The following PRIM2 variants were observed in gnomAD, a reference collection of about 807,000 sequenced individuals.
The protein encoded by PRIM2 is DNA primase large subunit.
Under a neutral mutation model 67.3 loss-of-function variants are expected in PRIM2, and 39 were observed. That is an observed-to-expected ratio of 0.58 (90% CI 0.45 to 0.76). The LOEUF (loss-of-function observed/expected upper bound fraction) is 0.76. Ranked by LOEUF, PRIM2 falls within the 30% of genes least tolerant of loss-of-function variation. PRIM2 has a pLI of 0.00. For synonymous variants in PRIM2, 143 were observed against 198.7 expected, an observed-to-expected ratio of 0.72 and a Z score of 2.36; for missense variants, 398 against 598.7, an observed-to-expected ratio of 0.66 and a Z score of 3.50.
chr6:57,277,297 A>G, the PRIM2 span, among the ~76,000 whole-genome samples: 32 of 152,312 alleles, frequency 2.1e-4, no homozygotes, highest in East Asian at 6.2e-3. Flanking sequence ...AATCAGCCCA[A>G]AATCTGCCCT....
At chr6:57,589,794 G>C (rs1776255483) in intron 10 of PRIM2, among the ~76,000 whole-genome samples, 2 of 152,160 alleles carry the variant, frequency 1.3e-5, no homozygotes, top group African/African-American at 4.8e-5. Flanking sequence ...GCAGGAGTTT[G>C]ATAAGGTGAG....
chr6:57,523,361 C>T (rs1414488296), intron 8 of PRIM2, among the ~76,000 whole-genome samples: 9 of 152,158 alleles, frequency 5.9e-5, no homozygotes, highest in African/African-American at 2.2e-4. Context: ...TGAAACTTAC[C>T]CTCTTAATCA....
At chr6:57,498,276 T>C (rs1379217352) in intron 7 of PRIM2, among the ~76,000 whole-genome samples, 4 of 152,152 alleles carry the variant, frequency 2.6e-5, no homozygotes, top group Non-Finnish European at 5.9e-5. Flanking sequence ...TAGACAAGTG[T>C]TGGCATTCTA....
intron 10 of PRIM2, among the ~76,000 whole-genome samples, chr6:57,538,685 C>T (rs1452546434): frequency 1.3e-5 from 2 of 152,138 alleles, no homozygotes; most frequent in Non-Finnish European, 2.9e-5. Flanking sequence ...AGTTTATTTC[C>T]TCACACTTCT....
At chr6:57,231,035 A>G in the PRIM2 span, among the ~76,000 whole-genome samples, 4 of 152,238 alleles carry the variant, frequency 2.6e-5, no homozygotes, top group African/African-American at 9.6e-5. Flanking sequence ...TCTTGAGCAG[A>G]ATGGTGAGGA....
intron 10 of PRIM2, among the ~76,000 whole-genome samples, chr6:57,558,780 G>A (rs1408296954): frequency 6.6e-6 from 1 of 151,954 alleles, no homozygotes; most frequent in Non-Finnish European, 1.5e-5. Flanking sequence ...CTCTTTTCAG[G>A]GTTCAGTTTT....
chr6:57,480,404 A>G (rs1485303561), intron 7 of PRIM2, among the ~76,000 whole-genome samples: 3 of 132,914 alleles, frequency 2.3e-5, no homozygotes, highest in Non-Finnish European at 3.3e-5. Context: ...AACTTTAGGT[A>G]TAATAAAAAA....
chr6:57,585,523 G>A (rs1222130147), intron 10 of PRIM2, among the ~76,000 whole-genome samples: 10 of 152,304 alleles, frequency 6.6e-5, no homozygotes, highest in African/African-American at 2.4e-4. Flanking sequence ...GGAGTGGGGA[G>A]ATTGTGGTTA....
At chr6:57,321,527 T>C (rs961732519) in intron 3 of PRIM2, among the ~76,000 whole-genome samples, 4 of 151,890 alleles carry the variant, frequency 2.6e-5, no homozygotes, top group African/African-American at 9.7e-5. Flanking sequence ...AATACCAATA[T>C]TGAAGGTAAA....
the PRIM2 span, among the ~76,000 whole-genome samples, chr6:57,304,607 G>A: frequency 6.6e-6 from 1 of 152,178 alleles, no homozygotes; most frequent in Non-Finnish European, 1.5e-5. Flanking sequence ...TTCTGTGTGT[G>A]GGTTAGGTGA....
chr6:57,512,602 C>CTT (rs1254429366), intron 8 of PRIM2, among the ~76,000 whole-genome samples: 5 of 150,484 alleles, frequency 3.3e-5, no homozygotes, highest in African/African-American at 4.9e-5. Context: ...TTTTTCTTTT[C>CTT]TTTTTTTTTG....
At chr6:57,305,326 A>G in the PRIM2 span, among the ~76,000 whole-genome samples, 1 of 152,216 alleles carries the variant, frequency 6.6e-6, no homozygotes, top group African/African-American at 2.4e-5. Context: ...ATCTGGAATT[A>G]GGGATAAGTA....
the PRIM2 span, among the ~76,000 whole-genome samples, chr6:57,264,781 A>G: frequency 1.3e-5 from 2 of 151,784 alleles, no homozygotes; most frequent in Non-Finnish European, 2.9e-5. Context: ...ATTTTTTAGT[A>G]GATATACGGT....
intron 7 of PRIM2, among the ~76,000 whole-genome samples, chr6:57,493,396 T>C (rs1367799068): frequency 1.3e-5 from 2 of 152,220 alleles, no homozygotes; most frequent in Non-Finnish European, 2.9e-5. Flanking sequence ...TTATGGCAAA[T>C]ACATGTGTTT....
chr6:57,269,401 T>C, the PRIM2 span, among the ~76,000 whole-genome samples: 1 of 152,092 alleles, frequency 6.6e-6, no homozygotes, highest in African/African-American at 2.4e-5. Flanking sequence ...TGAGCATTTT[T>C]TCATGTGTTT....
chr6:57,400,202 A>T (rs1770659061), intron 7 of PRIM2, among the ~76,000 whole-genome samples: 2 of 152,214 alleles, frequency 1.3e-5, no homozygotes, highest in African/African-American at 4.8e-5. Flanking sequence ...ATTGTCACTG[A>T]TCCGTGTATT....
At chr6:57,427,100 G>C (rs1433113566) in intron 7 of PRIM2, among the ~76,000 whole-genome samples, 1 of 152,130 alleles carries the variant, frequency 6.6e-6, no homozygotes, top group Non-Finnish European at 1.5e-5. Context: ...AAAATGGAAT[G>C]AACTTCTTTA....
chr6:57,321,205 A>G (rs904638868), intron 3 of PRIM2, among the ~76,000 whole-genome samples: 2 of 152,136 alleles, frequency 1.3e-5, no homozygotes, highest in East Asian at 3.8e-4. Context: ...TTGTAGGGGG[A>G]ATGGAGAGAG....
intron 5 of PRIM2, among the ~76,000 whole-genome samples, chr6:57,327,107 G>C (rs1454220966): frequency 3.9e-5 from 6 of 151,960 alleles, no homozygotes; most frequent in Admixed American, 1.3e-4. Flanking sequence ...TGCCATGTTG[G>C]CCAGGGTGGT....
Sources: allele counts gnomAD v4.1 joint callset (sites outside exome capture counted in the v4.1 genomes callset), GRCh38; gene constraint gnomAD v4.1.1; transcripts MANE v1.5; gene names NCBI Gene and HGNC (gene_info 2026-07-23, HGNC 2026-07-21).